Variants in COX7B2 observed in about 807,000 individuals in gnomAD.
COX7B2 encodes cytochrome c oxidase subunit 7B2, mitochondrial.
For missense variants in COX7B2, 109 were observed against 95.9 expected, an observed-to-expected ratio of 1.14 and a Z score of -0.57; for synonymous variants, 37 against 32.1, an observed-to-expected ratio of 1.15 and a Z score of -0.51.
At chr4:46,855,521 A>C (rs949847338) in intron 1 of COX7B2, among the ~76,000 whole-genome samples, 9 of 152,056 alleles carry the variant, frequency 5.9e-5, no homozygotes, top group Admixed American at 4.6e-4. Context: ...ACTAATTTTC[A>C]TAGAAGAAAA....
rs111808418 is a variant in COX7B2 at position 46,751,135 on chromosome 4, AT to A, written c.-49-15895del. Among the ~76,000 whole-genome samples the A allele has an allele frequency of 2.1e-3, 311 of 150,598 alleles. 1 individual carries two copies. Among genetic ancestry groups the A allele is most frequent in the Middle Eastern group, 0.02 (6 of 294 alleles). On this transcript the variant is annotated intron_variant, in intron 2 of 2. Coordinates refer to ENST00000355591, the MANE Select transcript of COX7B2 (RefSeq NM_130902.3). ...GAATAGACATTCCTTCTTCCCAAAG[AT>A]TTTTTTTTTAGTTTTGTTGCTTCTC...
intron 2 of COX7B2, among the ~76,000 whole-genome samples, chr4:46,824,797 A>T (rs1714564005): frequency 2.0e-5 from 3 of 152,196 alleles, no homozygotes; most frequent in East Asian, 1.9e-4. Context: ...TTATCTCAAT[A>T]GATACAGAAA....
chr4:46,816,908 CAG>C (rs939649131), intron 2 of COX7B2, among the ~76,000 whole-genome samples: 5 of 152,246 alleles, frequency 3.3e-5, no homozygotes, highest in Admixed American at 6.5e-5. Flanking sequence ...GGGTAAGCCT[CAG>C]AGAATTTTTT....
chr4:46,907,492 T>G (rs571499388), intron 1 of COX7B2, among the ~76,000 whole-genome samples: 1 of 152,320 alleles, frequency 6.6e-6, no homozygotes, highest in South Asian at 2.1e-4. Context: ...TCACTGTTTT[T>G]GCAATAATTG....
chr4:46,764,156 A>G (rs67748032), intron 2 of COX7B2, among the ~76,000 whole-genome samples: 22,913 of 152,112 alleles, frequency 0.15, 2,213 homozygotes, highest in Admixed American at 0.3. Context: ...ATTATGTACA[A>G]ACTTTGAGTG....
chr4:46,891,856 A>G (rs1203161988), intron 1 of COX7B2, among the ~76,000 whole-genome samples: 2 of 152,228 alleles, frequency 1.3e-5, no homozygotes. Flanking sequence ...TTGCAGGCAC[A>G]CTATTCTGAC....
intron 2 of COX7B2, among the ~76,000 whole-genome samples, chr4:46,815,175 C>CAAAA (rs760743513): frequency 5.3e-5 from 4 of 75,032 alleles, no homozygotes; most frequent in African/African-American, 2.0e-4. Flanking sequence ...GACTCTGTCT[C>CAAAA]AAAAAAAAAA....
chr4:46,742,167 T>C (rs1459053624), intron 2 of COX7B2, among the ~76,000 whole-genome samples: 1 of 152,100 alleles, frequency 6.6e-6, no homozygotes, highest in Non-Finnish European at 1.5e-5. Context: ...TTAAAAACAT[T>C]AAAAGCATTA....
rs1352715131 is a variant in COX7B2, at chr4:46,754,716, G to A, written c.-49-19475C>T. On this transcript the variant is annotated intron_variant, in intron 2 of 2. Transcript: ENST00000355591. ...AAAATACGTGTGTGTGTGTGTGTGTGTGTGTGTGTGTGTATATATATATAT... is the reference window on the plus strand; with the variant it reads ...AAAATACGTGTGTGTGTGTGTGTGTATGTGTGTGTGTGTATATATATATAT... Among the ~76,000 whole-genome samples the A allele has an allele frequency of 5.0e-3, 109 of 21,788 alleles. 2 individuals carry two copies. The highest frequency in any genetic ancestry group is 0.02 in the African/African-American group (84 of 4,190). The allele number at this position is 21,788 out of a possible 152,430, so 14.3% of individuals were successfully genotyped here. A position where few individuals can be genotyped will look rare whatever the true frequency, so the allele number is the denominator to read the frequency against.
chr4:46,816,090 T>C (rs1719536644), intron 2 of COX7B2, among the ~76,000 whole-genome samples: 1 of 152,164 alleles, frequency 6.6e-6, no homozygotes, highest in African/African-American at 2.4e-5. Context: ...AAAGTATACA[T>C]ATAAATATAT....
At chr4:46,749,488 T>C (rs138763597) in intron 2 of COX7B2, among the ~76,000 whole-genome samples, 19 of 152,248 alleles carry the variant, frequency 1.2e-4, no homozygotes, top group African/African-American at 4.1e-4. Context: ...TGAAAACTCT[T>C]TGTTATACTC....
At chr4:46,827,815 G>C (rs1017401592) in intron 2 of COX7B2, among the ~76,000 whole-genome samples, 8 of 152,122 alleles carry the variant, frequency 5.3e-5, no homozygotes, top group Admixed American at 5.2e-4. Flanking sequence ...TTTGCTTAGT[G>C]AATGAAGCCA....
At chr4:46,888,453 CT>C (rs1025718621) in intron 1 of COX7B2, among the ~76,000 whole-genome samples, 15 of 138,486 alleles carry the variant, frequency 1.1e-4, no homozygotes, top group Admixed American at 4.3e-4. Flanking sequence ...TTTTTTTTTT[CT>C]TTTTTTTGAG....
Position 46,794,355 on chromosome 4 carries a change from G to A in COX7B2, c.-50+50605C>T, listed in dbSNP as rs148600508. Among the ~76,000 whole-genome samples, 278 of 152,182 alleles carry A rather than the reference G, an allele frequency of 1.8e-3. 1 individual carries two copies. Among genetic ancestry groups the A allele is most frequent in the African/African-American group, 6.3e-3 (261 of 41,518 alleles). ...TTGGTTGGTTGGTTGGCTAAAACAC[G>A]GACCAAAAGATGGTACACAGTGAGT... On this transcript the variant is annotated intron_variant, in intron 2 of 2. Transcript: ENST00000355591.
chr4:46,744,089 T>C (rs765389104), intron 2 of COX7B2, among the ~76,000 whole-genome samples: 3 of 152,202 alleles, frequency 2.0e-5, no homozygotes, highest in Non-Finnish European at 2.9e-5. Context: ...ACATCTGAAA[T>C]TGACCCAATG....
At chr4:46,754,319 T>G (rs1212559802) in intron 2 of COX7B2, among the ~76,000 whole-genome samples, 1 of 151,062 alleles carries the variant, frequency 6.6e-6, no homozygotes, top group Admixed American at 6.6e-5. Context: ...AACCCAAATG[T>G]CCAACAATGA....
chr4:46,813,980 G>A (rs187842177), intron 2 of COX7B2, among the ~76,000 whole-genome samples: 1 of 152,242 alleles, frequency 6.6e-6, no homozygotes, highest in South Asian at 2.1e-4. Context: ...AAACTGTAAT[G>A]AGATATTATC....
At chr4:46,824,534 G>GACAA (rs34024050) in intron 2 of COX7B2, among the ~76,000 whole-genome samples, 2 of 150,468 alleles carry the variant, frequency 1.3e-5, no homozygotes, top group African/African-American at 4.9e-5. Flanking sequence ...TAGAAAAACA[G>GACAA]ACAAACAAAC....
At chr4:46,856,778 A>C (rs975618255) in intron 1 of COX7B2, among the ~76,000 whole-genome samples, 1 of 152,182 alleles carries the variant, frequency 6.6e-6, no homozygotes, top group Non-Finnish European at 1.5e-5. Flanking sequence ...AGGCAAAGCT[A>C]TTAAGATAAA....
Sources: gnomAD v4.1 joint callset for allele counts (sites outside exome capture counted in the v4.1 genomes callset) on GRCh38, gnomAD v4.1.1 for gene constraint, MANE v1.5 for transcripts, NCBI Gene and HGNC (gene_info 2026-07-23, HGNC 2026-07-21) for gene names.